Variants in DIP2A observed in about 807,000 individuals in gnomAD.
The protein encoded by DIP2A is DIP2 acetate--CoA ligase A, also known as disco-interacting protein 2 homolog A.
A neutral mutation model predicts 177.4 loss-of-function variants in DIP2A; 85 were observed. The ratio of observed to expected loss-of-function variants is 0.48; its 90% confidence interval spans 0.40 to 0.57. DIP2A has a LOEUF of 0.57. Among genes scored for constraint, DIP2A ranks in the 20% least tolerant of loss-of-function variants. DIP2A has a pLI of 0.00. For synonymous variants in DIP2A, 886 were observed against 881.8 expected (o/e 1.00, Z -0.08); for missense variants, 1,791 against 2,100.2 (o/e 0.85, Z 2.88).
Position 46,558,308 on chromosome 21 carries a change from C to G in DIP2A, c.3884C>G (p.Ser1295Cys), listed in dbSNP as rs1202120140. ...AGGATTGCGCTGACCCAGTCCTTCT[C>G]CAAGCTCTTCAAGGACCTGGGCCTG... ...RPRIALTQSFSKLFKDLGLPA... is the reference protein window; with the variant it reads ...RPRIALTQSFCKLFKDLGLPA... Residue 1295 changes from serine to cysteine, a missense_variant, in exon 32 of 38, where the codon TCC becomes TGC. By Grantham distance (112) the Ser-to-Cys change is moderately radical. Transcript: ENST00000417564. The G allele has an allele frequency of 1.4e-5, 22 of 1,608,492 alleles. No homozygotes were observed. The highest frequency in any genetic ancestry group is 1.7e-6 in the Non-Finnish European group (2 of 1,178,442).
At chr21:46,514,928 T>C (rs971671480) in intron 8 of DIP2A, among the ~76,000 whole-genome samples, 1 of 152,218 alleles carries the variant, frequency 6.6e-6, no homozygotes, top group African/African-American at 2.4e-5. Flanking sequence ...CCTTCATTAA[T>C]TTGGTGAATT....
Position 46,554,248 on chromosome 21 carries a change from G to A in DIP2A, c.3110G>A (p.Gly1037Glu). 1 of 1,613,946 alleles carries A rather than the reference G, an allele frequency of 6.2e-7. No individual in the cohort carries two copies. The highest frequency in any genetic ancestry group is 8.5e-7 in the Non-Finnish European group (1 of 1,179,862). The change falls in exon 26 of 38, where the codon GGA becomes GAA. Residue 1037 changes from glycine to glutamate, a missense_variant. Coordinates refer to ENST00000417564, the MANE Select transcript of DIP2A (RefSeq NM_015151.4). Reference protein sequence around the residue: ...ERVAAALMEKGRLSVGDHVAL... With the variant: ...ERVAAALMEKERLSVGDHVAL... Reference sequence around the variant, plus strand: ...GTGGCCGCGGCTCTGATGGAGAAGGGAAGACTGAGTGTTGGGGACCATGTG... The same window carrying A: ...GTGGCCGCGGCTCTGATGGAGAAGGAAAGACTGAGTGTTGGGGACCATGTG...
In DIP2A at chr21:46,471,066, C is replaced by T. The variant is rs1204536438; in HGVS notation, c.91+11844C>T. 3.9e-5 allele frequency among the ~76,000 whole-genome samples: 6 copies of T among 152,098 alleles called. No individual in the cohort carries two copies. The South Asian group carries it at 6.2e-4, about 16-fold the overall frequency. On this transcript the variant is annotated intron_variant, in intron 1 of 37. Coordinates refer to ENST00000417564, the MANE Select transcript of DIP2A (RefSeq NM_015151.4). ...AGTACATATTTTGTTTATTTAATCT[C>T]GCTCTGTTGCCCAGGCTGGAGTGCA...
chr21:46,490,773 C>G, intron 3 of DIP2A, 54 bp downstream of exon 3: 2 of 1,491,332 alleles, frequency 1.3e-6, no homozygotes, highest in African/African-American at 2.9e-5. Context: ...AGCCCTTGGA[C>G]TCTTGCCATG....
chr21:46,473,477 G>C lies in DIP2A; in HGVS notation c.92-11280G>C, dbSNP rs375768383. The stretch of plus-strand genomic sequence containing the variant: ...CTCAGGGAAAAAAAAAGGGGGGGGG[G>C]CCATGGCGGTGGTTTTTCTTGGGTG... On this transcript the variant is annotated intron_variant, in intron 1 of 37. Coordinates refer to ENST00000417564, the MANE Select transcript of DIP2A (RefSeq NM_015151.4). 1.1e-4 allele frequency among the ~76,000 whole-genome samples: 16 copies of C among 143,246 alleles called. No homozygotes were observed. In the Middle Eastern group the frequency reaches 0.014, roughly 129 times the overall value. 94.0% of individuals were successfully genotyped at this position (143,246 alleles called of 152,430 possible).
At chr21:46,462,617 A>G (rs1443516178) in intron 1 of DIP2A, 1 of 152,154 alleles carries the variant, frequency 6.6e-6, no homozygotes, top group Admixed American at 6.5e-5. Context: ...TATAATTTTT[A>G]TATATTGTCA....
At chr21:46,579,878 C>A in the DIP2A span, among the ~76,000 whole-genome samples, 1 of 152,236 alleles carries the variant, frequency 6.6e-6, no homozygotes, top group Middle Eastern at 3.4e-3. Context: ...ATTATGTGAT[C>A]AGTTTTAGAG....
At chr21:46,579,628 A>G in the DIP2A span, among the ~76,000 whole-genome samples, 3 of 152,272 alleles carry the variant, frequency 2.0e-5, no homozygotes, top group African/African-American at 7.2e-5. Context: ...CTTTAGCTGC[A>G]TCCCAGAGAT....
intron 8 of DIP2A, among the ~76,000 whole-genome samples, chr21:46,513,996 A>G (rs2058430634): frequency 6.6e-6 from 1 of 152,130 alleles, no homozygotes; most frequent in African/African-American, 2.4e-5. Context: ...AATTTCTGTC[A>G]GTAATGTTTT....
intron 33 of DIP2A, 67 bp downstream of exon 33, chr21:46,560,850 A>G (rs1304699849): frequency 3.2e-6 from 5 of 1,551,690 alleles, no homozygotes; most frequent in African/African-American, 1.4e-5. Context: ...CCAGGTCTGC[A>G]CTGACTATGC....
intron 5 of DIP2A, among the ~76,000 whole-genome samples, chr21:46,502,536 C>T (rs1256262314): frequency 1.3e-5 from 2 of 149,270 alleles, no homozygotes; most frequent in Non-Finnish European, 3.0e-5. Flanking sequence ...CAACCTCCAC[C>T]TCCCGGGTTC....
intron 1 of DIP2A, among the ~76,000 whole-genome samples, chr21:46,461,665 T>TA (rs895035590): frequency 9.8e-5 from 15 of 152,316 alleles, no homozygotes; most frequent in Admixed American, 9.8e-4. Context: ...ATTGTCATCT[T>TA]AGAGATATGT....
At chr21:46,581,700 G>T in the DIP2A span, among the ~76,000 whole-genome samples, 41,241 of 151,902 alleles carry the variant, frequency 0.27, 6,240 homozygotes, top group Middle Eastern at 0.34. Flanking sequence ...TCTTCTGTAG[G>T]GTTGCTGCAG....
At chr21:46,470,890 C>T (rs1037379243) in intron 1 of DIP2A, among the ~76,000 whole-genome samples, 7 of 146,868 alleles carry the variant, frequency 4.8e-5, no homozygotes, top group South Asian at 2.1e-4. Context: ...GATAATACCA[C>T]TGCACTCCAG....
At chr21:46,518,231 C>T (rs148942542) in intron 8 of DIP2A, among the ~76,000 whole-genome samples, 3 of 152,246 alleles carry the variant, frequency 2.0e-5, no homozygotes, top group African/African-American at 7.2e-5. Context: ...GTGTGTGCCA[C>T]GTGGTAGCTA....
intron 33 of DIP2A, 44 bp downstream of exon 33, chr21:46,560,827 A>G (rs2060638077): frequency 1.9e-6 from 3 of 1,572,924 alleles, no homozygotes; most frequent in East Asian, 4.7e-5. Context: ...ACCCAGTGGC[A>G]AAGTGATGCA....
chr21:46,467,404 G>T (rs1214251537), intron 1 of DIP2A, among the ~76,000 whole-genome samples: 2 of 151,882 alleles, frequency 1.3e-5, no homozygotes, highest in Non-Finnish European at 2.9e-5. Context: ...GTCTCGCTCT[G>T]TTGCCCAGTT....
intron 17 of DIP2A, among the ~76,000 whole-genome samples, chr21:46,540,919 G>A (rs1472362957): frequency 2.0e-5 from 3 of 151,498 alleles, no homozygotes; most frequent in Non-Finnish European, 4.4e-5. Flanking sequence ...GGAGGCTGAG[G>A]CAGGCGAATC....
chr21:46,468,084 T>G (rs1014556697), intron 1 of DIP2A, among the ~76,000 whole-genome samples: 1 of 151,470 alleles, frequency 6.6e-6, no homozygotes, highest in Non-Finnish European at 1.5e-5. Flanking sequence ...GGCAACATGG[T>G]GAAACTCCGC....
Sources: gnomAD v4.1 joint callset for allele counts (sites outside exome capture counted in the v4.1 genomes callset) on GRCh38, gnomAD v4.1.1 for gene constraint, MANE v1.5 for transcripts, NCBI Gene and HGNC (gene_info 2026-07-23, HGNC 2026-07-21) for gene names.